The following PLCL2 variants were observed in gnomAD, a reference collection of about 807,000 sequenced individuals.
PLCL2 encodes the protein phospholipase C like 2.
Under a neutral mutation model 79.6 loss-of-function variants are expected in PLCL2, and 4 were observed. The ratio of observed to expected loss-of-function variants is 0.05; its 90% CI spans 0.02 to 0.11. The LOEUF is 0.11. Ranked by LOEUF, PLCL2 falls within the 10% of genes least tolerant of loss-of-function variation. The probability of loss-of-function intolerance (pLI) is 1.00; values close to 1 mark genes in which losing one functional copy is unlikely to be tolerated. For missense variants in PLCL2, 895 were observed against 1,291.0 expected (o/e 0.69, Z 4.70); for synonymous variants, 484 against 457.7 (o/e 1.06, Z -0.73).
Position 16,973,760 on chromosome 3 carries a change from A to G in PLCL2, c.328-35914A>G, listed in dbSNP as rs555109628. Among the ~76,000 whole-genome samples, 7 of 152,254 alleles carry G rather than the reference A, an allele frequency of 4.6e-5. No individual in the cohort carries two copies. In the South Asian group the frequency reaches 1.2e-3, roughly 27 times the overall value. Reference sequence around the variant, plus strand: ...CAGCAAATTTTTATTTAGGTTTGTCAGTTTTCATTTAGGTCTATACTGGTA... The same window carrying G: ...CAGCAAATTTTTATTTAGGTTTGTCGGTTTTCATTTAGGTCTATACTGGTA... On this transcript the variant is annotated intron_variant, in intron 1 of 5. Coordinates refer to ENST00000615277, the MANE Select transcript of PLCL2 (RefSeq NM_001144382.2).
chr3:16,968,994 A>G (rs1268891735), intron 1 of PLCL2, among the ~76,000 whole-genome samples: 2 of 152,164 alleles, frequency 1.3e-5, no homozygotes, highest in African/African-American at 4.8e-5. Flanking sequence ...TTCTACATCT[A>G]ATGAGATGTT....
chr3:16,890,457 C>A (rs996600326), intron 1 of PLCL2, among the ~76,000 whole-genome samples: 7 of 152,046 alleles, frequency 4.6e-5, no homozygotes, highest in Admixed American at 2.6e-4. Context: ...CTTAAGTTAC[C>A]CAGGCTTCAA....
At chr3:16,963,943 TAGTC>T (rs2063780108) in intron 1 of PLCL2, among the ~76,000 whole-genome samples, 1 of 152,164 alleles carries the variant, frequency 6.6e-6, no homozygotes, top group Admixed American at 6.5e-5. Context: ...TCAGACATTG[TAGTC>T]AGTCAGTGAG....
chr3:16,896,513 A>G (rs1253284123), intron 1 of PLCL2, among the ~76,000 whole-genome samples: 1 of 152,204 alleles, frequency 6.6e-6, no homozygotes, highest in African/African-American at 2.4e-5. Flanking sequence ...CTTCAGGTGC[A>G]CTCGAAAGTT....
chr3:16,987,371 C>T (rs530046605), intron 1 of PLCL2, among the ~76,000 whole-genome samples: 20 of 152,170 alleles, frequency 1.3e-4, no homozygotes, highest in African/African-American at 4.1e-4. Flanking sequence ...GCTTGGTAAC[C>T]CCAGAGCCCA....
chr3:16,904,642 A>G (rs1696710020), intron 1 of PLCL2, among the ~76,000 whole-genome samples: 1 of 152,138 alleles, frequency 6.6e-6, no homozygotes, highest in Non-Finnish European at 1.5e-5. Context: ...GCCAGTCAGG[A>G]ATTGATATGG....
At chr3:17,061,865 G>C (rs986565799) in intron 4 of PLCL2, among the ~76,000 whole-genome samples, 6 of 151,900 alleles carry the variant, frequency 3.9e-5, no homozygotes, top group Non-Finnish European at 8.8e-5. Flanking sequence ...ATTCCCTTTC[G>C]ACCAGAACTG....
chr3:17,082,271 G>A (rs2065170654), intron 5 of PLCL2, among the ~76,000 whole-genome samples: 1 of 149,620 alleles, frequency 6.7e-6, no homozygotes, highest in Non-Finnish European at 1.5e-5. Context: ...AGCCTCCCAA[G>A]TAGCTGGGTT....
At chr3:16,995,025 A>T (rs116377476) in intron 1 of PLCL2, among the ~76,000 whole-genome samples, 2,002 of 152,328 alleles carry the variant, frequency 0.013, 51 homozygotes, top group African/African-American at 0.046. Context: ...CCCTTCTTGG[A>T]AGCCAAGCAA....
At chr3:16,925,543 T>A (rs1175590333) in intron 1 of PLCL2, among the ~76,000 whole-genome samples, 5 of 152,222 alleles carry the variant, frequency 3.3e-5, no homozygotes, top group Non-Finnish European at 7.3e-5. Flanking sequence ...CAATCACAGT[T>A]ACTCCCAGTC....
intron 1 of PLCL2, among the ~76,000 whole-genome samples, chr3:16,950,034 G>A (rs1033614937): frequency 6.6e-6 from 1 of 152,142 alleles, no homozygotes; most frequent in African/African-American, 2.4e-5. Flanking sequence ...GTATCATGAT[G>A]TTTTAATTGC....
intron 1 of PLCL2, among the ~76,000 whole-genome samples, chr3:16,990,407 G>A (rs977364277): frequency 2.0e-5 from 3 of 152,204 alleles, no homozygotes; most frequent in Non-Finnish European, 4.4e-5. Context: ...TTGGTGGTCA[G>A]AGGCCCTGCG....
intron 1 of PLCL2, among the ~76,000 whole-genome samples, chr3:16,989,700 A>T (rs2064084494): frequency 6.6e-6 from 1 of 152,196 alleles, no homozygotes; most frequent in Admixed American, 6.5e-5. Flanking sequence ...TACTGTCACT[A>T]AGGGAAAGTA....
chr3:17,035,885 C>T (rs1029504449), intron 3 of PLCL2: 1 of 457,776 alleles, frequency 2.2e-6, no homozygotes. Flanking sequence ...CAAATATGCT[C>T]CTCTGTATGT....
At chr3:16,977,114 GCACA>G (rs140307662) in intron 1 of PLCL2, among the ~76,000 whole-genome samples, 4 of 149,776 alleles carry the variant, frequency 2.7e-5, no homozygotes, top group African/African-American at 9.9e-5. Flanking sequence ...CATTGAATAC[GCACA>G]CACACACACA....
At chr3:16,907,853 A>G (rs941603733) in intron 1 of PLCL2, among the ~76,000 whole-genome samples, 4 of 152,194 alleles carry the variant, frequency 2.6e-5, no homozygotes, top group African/African-American at 9.7e-5. Context: ...TGCCTTCATA[A>G]TGACTGCACG....
At chr3:16,936,212 CT>C (rs1378891194) in intron 1 of PLCL2, among the ~76,000 whole-genome samples, 2 of 152,222 alleles carry the variant, frequency 1.3e-5, no homozygotes, top group Non-Finnish European at 2.9e-5. Context: ...TTTCCTAAAA[CT>C]TTTACAAGTA....
At chr3:17,007,929 G>A (rs115183342) in intron 1 of PLCL2, among the ~76,000 whole-genome samples, 7 of 151,996 alleles carry the variant, frequency 4.6e-5, no homozygotes, top group African/African-American at 1.7e-4. Context: ...CATCTTTTAG[G>A]TTTAAAATTG....
intron 4 of PLCL2, among the ~76,000 whole-genome samples, chr3:17,055,337 C>A (rs1194987655): frequency 2.0e-5 from 3 of 152,074 alleles, no homozygotes; most frequent in African/African-American, 7.2e-5. Flanking sequence ...CCTCAGTGGC[C>A]TCTTTCTCAT....
Sources: allele counts gnomAD v4.1 joint callset (sites outside exome capture counted in the v4.1 genomes callset), GRCh38; gene constraint gnomAD v4.1.1; transcripts MANE v1.5; gene names NCBI Gene and HGNC (gene_info 2026-07-23, HGNC 2026-07-21).